ASB5: variants seen among roughly 807,000 people sequenced by gnomAD.
ASB5 encodes the protein ankyrin repeat and SOCS box containing 5, also known as ankyrin repeat and SOCS box protein 5.
Under a neutral mutation model 42.1 loss-of-function variants are expected in ASB5, and 45 were observed. The observed-to-expected ratio is 1.07, with a 90% CI of 0.84 to 1.37. The LOEUF is 1.37. Among genes scored for constraint, ASB5 ranks in the 40% most tolerant of loss-of-function variants. The pLI is 0.00. For missense variants in ASB5, 402 were observed against 399.8 expected (o/e 1.01, Z -0.05); for synonymous variants, 147 against 150.6 (o/e 0.98, Z 0.18).
chr4:176,220,614 T>C (rs1753176960), intron 5 of ASB5, among the ~76,000 whole-genome samples: 1 of 152,194 alleles, frequency 6.6e-6, no homozygotes, highest in Admixed American at 6.5e-5. Flanking sequence ...AAGCTGAATT[T>C]ACTTGAAACA....
At position 176,249,876 on chromosome 4, in the gene ASB5, T is replaced by C. The variant is rs1206900317; in HGVS notation, c.196+19037A>G. ...GTCAGGAGATGGAGACCATCCTGGC[T>C]AACACAGTGAAACCCCGTCTCTACT... On this transcript the variant is annotated intron_variant, in intron 1 of 6. Transcript: ENST00000296525. Among the ~76,000 whole-genome samples, 3 of 151,622 alleles carry C rather than the reference T, an allele frequency of 2.0e-5. 1 individual carries two copies. The highest frequency in any genetic ancestry group is 4.2e-4 in the South Asian group (2 of 4,816).
chr4:176,219,599 T>TATG lies in ASB5; in HGVS notation c.670+1555_670+1556insCAT, dbSNP rs1554042739. On this transcript the variant is annotated intron_variant, in intron 5 of 6. Coordinates refer to ENST00000296525, the MANE Select transcript of ASB5 (RefSeq NM_080874.4). Reference sequence around the variant, plus strand: ...TGATATATATATATATATATATATATATATATATATATATATATAGGCTGG... The same window carrying TATG: ...TGATATATATATATATATATATATATATGATATATATATATATATATAGGCTGG... 9.0e-4 allele frequency among the ~76,000 whole-genome samples: 106 copies of TATG among 118,044 alleles called. 9 individuals are homozygous for TATG. The highest frequency in any genetic ancestry group is 3.3e-3 in the African/African-American group (104 of 31,954). The allele number at this position is 118,044 out of a possible 152,430, so 77.4% of individuals were successfully genotyped here. A position where few individuals can be genotyped will look rare whatever the true frequency, so the allele number is the denominator to read the frequency against.
At chr4:176,275,031 C>A (rs932061140) in intron 2 of ASB5, among the ~76,000 whole-genome samples, 6 of 151,056 alleles carry the variant, frequency 4.0e-5, no homozygotes, top group African/African-American at 1.5e-4. Context: ...TCTCCTGCCT[C>A]AGCCTCCTGA....
upstream of ASB5, among the ~76,000 whole-genome samples, chr4:176,270,964 C>T (rs182569141): frequency 1.1e-4 from 16 of 152,226 alleles, no homozygotes; most frequent in African/African-American, 3.6e-4. Flanking sequence ...TTCTCTTTAC[C>T]AGTAAGTGCT....
intron 1 of ASB5, among the ~76,000 whole-genome samples, chr4:176,255,291 G>A (rs1475912161): frequency 6.6e-6 from 1 of 152,198 alleles, no homozygotes; most frequent in African/African-American, 2.4e-5. Context: ...TTCAGCTGCT[G>A]TGGAAAGCAG....
intron 1 of ASB5, among the ~76,000 whole-genome samples, chr4:176,231,585 G>A (rs1753545179): frequency 1.3e-5 from 2 of 150,110 alleles, no homozygotes; most frequent in South Asian, 4.2e-4. Context: ...CTGCTCTGGA[G>A]GCTGAGGCTG....
chr4:176,245,678 A>C (rs1753897193), intron 1 of ASB5, among the ~76,000 whole-genome samples: 1 of 152,218 alleles, frequency 6.6e-6, no homozygotes, highest in African/African-American at 2.4e-5. Context: ...CTGGATTAAG[A>C]AAATGTGGCA....
At position 176,222,379 on chromosome 4, in the gene ASB5, T is replaced by C. The variant is rs1296658572; in HGVS notation, c.318A>G (p.Pro106=). 1 of 1,613,788 alleles carries C rather than the reference T, an allele frequency of 6.2e-7. No homozygotes were observed. Among genetic ancestry groups the C allele is most frequent in the Non-Finnish European group, 8.5e-7 (1 of 1,179,932 alleles). The change falls in exon 3 of 7, where the codon CCA becomes CCG. Residue 106 remains proline, a synonymous_variant. Coordinates refer to ENST00000296525, the MANE Select transcript of ASB5 (RefSeq NM_080874.4). ...GATCTCCAAGGCAGGCTTCGTGCAATGGGGTGACATGGTCTAAGGTTACTG... is the reference window on the plus strand; with the variant it reads ...GATCTCCAAGGCAGGCTTCGTGCAACGGGGTGACATGGTCTAAGGTTACTG... ...VNAVTLDHVT[P]LHEACLGDHV...
At chr4:176,244,554 A>C (rs905783862) in intron 1 of ASB5, among the ~76,000 whole-genome samples, 17 of 152,176 alleles carry the variant, frequency 1.1e-4, no homozygotes, top group African/African-American at 4.1e-4. Context: ...CTCTTTGATA[A>C]ATCTCAATTT....
At chr4:176,266,288 G>A (rs1314577119) in intron 1 of ASB5, among the ~76,000 whole-genome samples, 2 of 152,140 alleles carry the variant, frequency 1.3e-5, no homozygotes, top group Non-Finnish European at 2.9e-5. Context: ...TTATTTCATG[G>A]AATTTGGCAA....
chr4:176,273,577 A>G (rs529935968), upstream of ASB5, among the ~76,000 whole-genome samples: 3 of 152,352 alleles, frequency 2.0e-5, no homozygotes, highest in African/African-American at 7.2e-5. Flanking sequence ...CATCAAAAAG[A>G]TATTTAGCCA....
chr4:176,222,896 G>A (rs1753262340), intron 2 of ASB5, among the ~76,000 whole-genome samples: 1 of 151,926 alleles, frequency 6.6e-6, no homozygotes, highest in Non-Finnish European at 1.5e-5. Context: ...TCCTGCCTCA[G>A]CCTCCCGAGT....
At position 176,237,358 on chromosome 4, in the gene ASB5, CCTT is replaced by C. The variant is rs760775542; in HGVS notation, c.197-12020_197-12018del. 9.5e-5 allele frequency: 94 copies of C among 985,766 alleles called. 2 individuals are homozygous for C. The highest frequency in any genetic ancestry group is 6.1e-5 in the Admixed American group (1 of 16,268). The allele number at this position is 985,766 out of a possible 1,614,324, so 61.1% of individuals were successfully genotyped here. On this transcript the variant is annotated intron_variant, in intron 1 of 6. Coordinates refer to ENST00000296525, the MANE Select transcript of ASB5 (RefSeq NM_080874.4). ...AAGAACATTCCTCTATACTCACTAG[CCTT>C]CTTTTCGTGAGGACCTGCTTAATGC...
At chr4:176,238,398 G>C (rs1022809489) in intron 1 of ASB5, among the ~76,000 whole-genome samples, 31 of 152,150 alleles carry the variant, frequency 2.0e-4, no homozygotes, top group African/African-American at 7.5e-4. Flanking sequence ...GTCAATTTAA[G>C]TACAGCTGAG....
intron 1 of ASB5, among the ~76,000 whole-genome samples, chr4:176,260,777 A>C (rs953285677): frequency 3.9e-5 from 6 of 152,160 alleles, no homozygotes; most frequent in African/African-American, 1.4e-4. Flanking sequence ...TCCCAGGTTC[A>C]AGGATTCTCC....
At chr4:176,272,662 G>T (rs768323531), upstream of ASB5, among the ~76,000 whole-genome samples, 2 of 152,072 alleles carry the variant, frequency 1.3e-5, no homozygotes, top group African/African-American at 2.4e-5. Flanking sequence ...AGTACTACAC[G>T]AATTGTTGCT....
At chr4:176,275,691 C>A (rs1453245708) in intron 2 of ASB5, 1 of 152,152 alleles carries the variant, frequency 6.6e-6, no homozygotes, top group Non-Finnish European at 1.5e-5. Context: ...CTGGCTAGTC[C>A]CTGCTAGCCT....
chr4:176,264,227 C>A (rs570831792), intron 1 of ASB5, among the ~76,000 whole-genome samples: 1 of 152,160 alleles, frequency 6.6e-6, no homozygotes, highest in Non-Finnish European at 1.5e-5. Flanking sequence ...CACAGAGACA[C>A]GTTATCTTGA....
chr4:176,236,447 T>C (rs534389606), intron 1 of ASB5, among the ~76,000 whole-genome samples: 2 of 152,344 alleles, frequency 1.3e-5, no homozygotes, highest in Admixed American at 1.3e-4. Flanking sequence ...ACTTTTTTCC[T>C]TGCTGGTATA....
Sources: allele counts gnomAD v4.1 joint callset (sites outside exome capture counted in the v4.1 genomes callset), GRCh38; gene constraint gnomAD v4.1.1; transcripts MANE v1.5; gene names NCBI Gene and HGNC (gene_info 2026-07-23, HGNC 2026-07-21).